Variants in PPFIA2 observed in about 807,000 individuals in gnomAD.
PPFIA2 encodes the protein PPFI scaffold protein A2.
Under a neutral mutation model 175.5 loss-of-function variants are expected in PPFIA2, and 46 were observed. The observed-to-expected ratio is 0.26, with a 90% confidence interval of 0.21 to 0.34. The LOEUF is 0.34. PPFIA2 is among the 10% of genes least tolerant of loss of function. The pLI is 1.00. For missense variants in PPFIA2, 1,179 were observed against 1,506.1 expected (o/e 0.78, Z 3.60); for synonymous variants, 568 against 511.4 (o/e 1.11, Z -1.49).
chr12:81,327,408 T>A (rs994951141), intron 21 of PPFIA2, among the ~76,000 whole-genome samples: 3 of 152,134 alleles, frequency 2.0e-5, no homozygotes, highest in African/African-American at 7.2e-5. Flanking sequence ...AATGGGAAAT[T>A]TTCCATTATG....
intron 3 of PPFIA2, among the ~76,000 whole-genome samples, 199 bp from the exon 4 acceptor site, chr12:81,677,043 G>A (rs2072664923): frequency 6.6e-6 from 1 of 151,932 alleles, no homozygotes; most frequent in Non-Finnish European, 1.5e-5. Flanking sequence ...AACTCTGGAA[G>A]TCTATAAAAA....
chr12:81,457,894 A>G (rs2053857709), intron 4 of PPFIA2, 28 bp from the exon 5 acceptor site: 4 of 1,452,222 alleles, frequency 2.8e-6, no homozygotes, highest in Non-Finnish European at 1.9e-6. Context: ...ATATTTGAAG[A>G]AATATTCAAG....
intron 25 of PPFIA2, 138 bp downstream of exon 25, chr12:81,284,102 TA>T (rs996461753): frequency 7.5e-6 from 5 of 665,862 alleles, no homozygotes; most frequent in African/African-American, 7.3e-5. Flanking sequence ...AAGAAAACTG[TA>T]AAAAATGTTA....
chr12:81,642,935 CAT>C (rs1426148606), intron 4 of PPFIA2, among the ~76,000 whole-genome samples: 17 of 141,464 alleles, frequency 1.2e-4, no homozygotes, highest in South Asian at 2.2e-4. Context: ...GTATATATAA[CAT>C]ATGTAATAAT....
chr12:81,501,064 G>A (rs183958546), intron 4 of PPFIA2, among the ~76,000 whole-genome samples: 5 of 152,274 alleles, frequency 3.3e-5, no homozygotes, highest in Non-Finnish European at 5.9e-5. Context: ...CTGCTCACAA[G>A]CCTCCAGTGG....
intron 4 of PPFIA2, among the ~76,000 whole-genome samples, chr12:81,644,066 A>T (rs939049768): frequency 6.6e-6 from 1 of 152,166 alleles, no homozygotes; most frequent in Admixed American, 6.5e-5. Context: ...ATAAAATGTT[A>T]TGTGCATTAA....
intron 11 of PPFIA2, among the ~76,000 whole-genome samples, chr12:81,373,619 GCAGT>G (rs1277954211): frequency 6.6e-6 from 1 of 151,978 alleles, no homozygotes; most frequent in African/African-American, 2.4e-5. Context: ...CCTGCTCTAC[GCAGT>G]CAAAGGTTTG....
Position 81,301,644 on chromosome 12 carries a change from C to T in PPFIA2, c.2643-2262G>A, listed in dbSNP as rs140632078. Among the ~76,000 whole-genome samples, 529 of 152,250 alleles carry T rather than the reference C, an allele frequency of 3.5e-3. 3 individuals are homozygous for T. The highest frequency in any genetic ancestry group is 5.1e-3 in the Non-Finnish European group (348 of 68,002). ...CAGCTGCTACAATCTATCGTACCCG[C>T]GCCATCTCTCTGACTAAACTCCCAT... On this transcript the variant is annotated intron_variant, in intron 22 of 32. Transcript: ENST00000549396.
At chr12:81,478,268 T>A (rs535321490) in intron 4 of PPFIA2, among the ~76,000 whole-genome samples, 1 of 151,952 alleles carries the variant, frequency 6.6e-6, no homozygotes, top group South Asian at 2.1e-4. Context: ...TCCTTTATCA[T>A]TTTTTTTATT....
intron 4 of PPFIA2, among the ~76,000 whole-genome samples, chr12:81,642,689 T>TATAC (rs1192605664): frequency 1.0e-5 from 1 of 100,012 alleles, no homozygotes; most frequent in African/African-American, 3.6e-5. Flanking sequence ...GTATCTATTA[T>TATAC]ATACATACAT....
In PPFIA2 at chr12:81,457,803, C is replaced by A. The variant is rs756792550; in HGVS notation, c.367G>T (p.Glu123Ter). ...CREQLLEKEEEISELKAERNN... is the reference protein window; with the variant it reads ...CREQLLEKEE Reference sequence around the variant, plus strand: ...CTTTCAGCTTTAAGTTCAGAGATTTCTTCTTCCTTTTCTAGAAGTTGTTCC... The same window carrying A: ...CTTTCAGCTTTAAGTTCAGAGATTTATTCTTCCTTTTCTAGAAGTTGTTCC... Residue 123 changes from glutamate (E) to a stop codon, truncating the protein, a stop_gained, in exon 5 of 33, where the codon GAA (glutamate) becomes TAA (stop). Transcript: ENST00000549396. LOFTEE classifies it high-confidence loss of function. 6.2e-7 allele frequency: 1 copy of A among 1,610,786 alleles called. No individual in the cohort carries two copies. Among genetic ancestry groups the A allele is most frequent in the Non-Finnish European group, 8.5e-7 (1 of 1,178,442 alleles).
intron 4 of PPFIA2, among the ~76,000 whole-genome samples, chr12:81,661,641 G>A (rs1425485877): frequency 6.6e-6 from 1 of 152,132 alleles, no homozygotes; most frequent in Non-Finnish European, 1.5e-5. Flanking sequence ...ACAGATCAAT[G>A]AGACAGAAAG....
chr12:81,369,309 T>C, intron 11 of PPFIA2, 115 bp from the exon 12 acceptor site: 2 of 1,523,480 alleles, frequency 1.3e-6, no homozygotes, highest in Non-Finnish European at 1.8e-6. Flanking sequence ...ACATAGTTTT[T>C]AAAAAATAAA....
At position 81,375,746 on chromosome 12, in the gene PPFIA2, A is replaced by C. The variant is rs186210251; in HGVS notation, c.1131+50T>G. 537 of 1,527,078 alleles carry C rather than the reference A, an allele frequency of 3.5e-4. 1 individual carries two copies. In the African/African-American group the frequency reaches 6.4e-3, roughly 18 times the overall value. 94.6% of individuals were successfully genotyped at this position (1,527,078 alleles called of 1,614,324 possible). Reference sequence around the variant, plus strand: ...TATTTTATTTACTCCGTTTTGTGAGAATGATGAGAACGCACAGACCAGAAG... The same window carrying C: ...TATTTTATTTACTCCGTTTTGTGAGCATGATGAGAACGCACAGACCAGAAG... On this transcript the variant is annotated intron_variant, in intron 10 of 32. Transcript: ENST00000549396.
At chr12:81,290,528 A>C (rs1419079444) in intron 24 of PPFIA2, among the ~76,000 whole-genome samples, 1 of 151,864 alleles carries the variant, frequency 6.6e-6, no homozygotes, top group African/African-American at 2.4e-5. Flanking sequence ...CAAGAGGTAC[A>C]TATATTCCGT....
chr12:81,738,674 T>TAA (rs1023325006), intron 3 of PPFIA2, among the ~76,000 whole-genome samples: 1 of 147,518 alleles, frequency 6.8e-6, no homozygotes, highest in Non-Finnish European at 1.5e-5. Context: ...AAGGTTGATT[T>TAA]AAAAAAAAAA....
intron 24 of PPFIA2, 183 bp from the exon 25 acceptor site, chr12:81,284,486 A>G (rs2042817869): frequency 3.8e-6 from 2 of 524,230 alleles, no homozygotes; most frequent in Non-Finnish European, 6.9e-6. Context: ...CTTCTACTCA[A>G]AAAGATTAAC....
At chr12:81,522,674 T>G (rs2063293834) in intron 4 of PPFIA2, among the ~76,000 whole-genome samples, 1 of 152,230 alleles carries the variant, frequency 6.6e-6, no homozygotes, top group East Asian at 1.9e-4. Flanking sequence ...AATTTTAACC[T>G]AATCACTTCC....
chr12:81,385,872 A>T (rs2038822617), intron 8 of PPFIA2, among the ~76,000 whole-genome samples: 1 of 152,204 alleles, frequency 6.6e-6, no homozygotes, highest in Admixed American at 6.6e-5. Context: ...CAAAAATGAT[A>T]AGTGAGTGAG....
Sources: gnomAD v4.1 joint callset for allele counts (sites outside exome capture counted in the v4.1 genomes callset) on GRCh38, gnomAD v4.1.1 for gene constraint, MANE v1.5 for transcripts, NCBI Gene and HGNC (gene_info 2026-07-23, HGNC 2026-07-21) for gene names.